The following USP45 variants were observed in gnomAD, a reference collection of about 807,000 sequenced individuals.
USP45 encodes ubiquitin specific peptidase 45.
In USP45, 89 loss-of-function variants were observed where a neutral mutation model predicts 95.8. The ratio of observed to expected loss-of-function variants is 0.93; its 90% CI spans 0.78 to 1.11. USP45 has a LOEUF of 1.11. Among genes scored for constraint, USP45 ranks in the 50% least tolerant of loss-of-function variants. The pLI is 0.00. For missense variants in USP45, 898 were observed against 942.5 expected (o/e 0.95, Z 0.62); for synonymous variants, 281 against 316.2 (o/e 0.89, Z 1.18).
At position 99,446,041 on chromosome 6, in the gene USP45, TTC is replaced by T; in HGVS notation, c.1729_1730del (p.Glu577LysfsTer9). 1 of 1,614,086 alleles carries T rather than the reference TTC, an allele frequency of 6.2e-7. No homozygotes were observed. The highest frequency in any genetic ancestry group is 1.1e-5 in the South Asian group (1 of 91,078). On this transcript the variant is annotated frameshift_variant, in exon 14 of 18. Coordinates refer to ENST00000500704, the MANE Select transcript of USP45 (RefSeq NM_001346022.3). LOFTEE classifies it high-confidence loss of function. Reference sequence around the variant, plus strand: ...TATTTGAAATATTTAGTGGCTGATTTTCTCTGTCAAAATCTTGATCTCCAGTT... The same window carrying T: ...TATTTGAAATATTTAGTGGCTGATTTTCTGTCAAAATCTTGATCTCCAGTT... ...TVTGDQDFDR[E>X]NQPLNISNNL...
intron 13 of USP45, among the ~76,000 whole-genome samples, chr6:99,452,693 T>C (rs903828151): frequency 6.6e-6 from 1 of 152,148 alleles, no homozygotes; most frequent in Non-Finnish European, 1.5e-5. Context: ...ACCCAAAAGA[T>C]TATAAATCAT....
At position 99,435,088 on chromosome 6, in the gene USP45, G is replaced by A. The variant is rs12525613; in HGVS notation, c.*628C>T. ...ACCAGGGAACTACACCGTATTAGGT[G>A]TTACTTCATGAAATTATGTGTTATA... On this transcript the variant is annotated 3_prime_UTR_variant, in exon 18 of 18. Coordinates refer to ENST00000500704, the MANE Select transcript of USP45 (RefSeq NM_001346022.3). 0.29 allele frequency: 44,064 copies of A among 152,422 alleles called. 6,939 individuals carry two copies. The highest frequency in any genetic ancestry group is 0.4 in the Middle Eastern group (116 of 292). The allele number at this position is 152,422 out of a possible 1,614,324, so 9.4% of individuals were successfully genotyped here.
chr6:99,515,011 A>G (rs1463406178), intron 1 of USP45: 1 of 152,370 alleles, frequency 6.6e-6, no homozygotes, highest in Admixed American at 6.5e-5. Flanking sequence ...ACGCTTCCAG[A>G]AAAGTCATTA....
At position 99,488,791 on chromosome 6, in the gene USP45, C is replaced by T; in HGVS notation, c.508G>A (p.Glu170Lys). The change falls in exon 6 of 18, where the codon GAA (glutamate) becomes AAA (lysine). Residue 170 changes from glutamate (E) to lysine (K), a missense_variant. Transcript: ENST00000500704. ...ATTTCATCTGTTTCACATTTTTCTT[C>T]ACAAAGTTTCATGATTCTAGAAAAT... ...SAFSRIMKLC[E>K]EKCETDEIQK... The T allele has an allele frequency of 6.3e-7, 1 of 1,595,914 alleles. No individual in the cohort carries two copies. The highest frequency in any genetic ancestry group is 2.3e-5 in the East Asian group (1 of 43,798).
chr6:99,474,566 C>T (rs78327728), intron 9 of USP45, among the ~76,000 whole-genome samples: 1 of 152,190 alleles, frequency 6.6e-6, no homozygotes, highest in Admixed American at 6.5e-5. Flanking sequence ...ATGCACTTCA[C>T]TGAACACTTG....
intron 2 of USP45, among the ~76,000 whole-genome samples, chr6:99,509,455 G>A (rs1799282443): frequency 6.6e-6 from 1 of 151,918 alleles, no homozygotes; most frequent in Non-Finnish European, 1.5e-5. Flanking sequence ...TACCTAAAAT[G>A]GAAAAAATAT....
chr6:99,468,290 C>A, intron 10 of USP45: 1 of 522,288 alleles, frequency 1.9e-6, no homozygotes. Flanking sequence ...CTTAGAAGAC[C>A]TCACATAAAG....
chr6:99,454,153 T>A (rs973823563), intron 13 of USP45, among the ~76,000 whole-genome samples: 4 of 151,724 alleles, frequency 2.6e-5, no homozygotes, highest in Non-Finnish European at 5.9e-5. Flanking sequence ...AATAAAGAAA[T>A]CCACATACTT....
chr6:99,515,232 G>A (rs1472376754), intron 1 of USP45, 160 bp downstream of exon 1: 1 of 152,324 alleles, frequency 6.6e-6, no homozygotes, highest in African/African-American at 2.4e-5. Context: ...GGCCCTCGGT[G>A]ACCGCCCGGC....
chr6:99,445,464 CAG>C (rs965101544), intron 14 of USP45, among the ~76,000 whole-genome samples: 75 of 146,612 alleles, frequency 5.1e-4, no homozygotes, highest in African/African-American at 1.8e-3. Context: ...GCCTGGGCAA[CAG>C]AGTGAGACTC....
In USP45 at chr6:99,476,229, C is replaced by T; in HGVS notation, c.847G>A (p.Ala283Thr). Reference sequence around the variant, plus strand: ...TGCTGGAAATCTTTAAATCGAGGTGCCCTGTGATTTAAAAACAAAAGAGGA... The same window carrying T: ...TGCTGGAAATCTTTAAATCGAGGTGTCCTGTGATTTAAAAACAAAAGAGGA... ...KVLFNQLCQK[A>T]PRFKDFQQQD... The change falls in exon 9 of 18, where the codon GCA becomes ACA. Residue 283 changes from alanine to threonine, a missense_variant and splice_region_variant. By Grantham distance (58) the Ala-to-Thr change is moderately conservative. Transcript: ENST00000500704. 6.2e-7 allele frequency: 1 copy of T among 1,613,566 alleles called. No homozygotes were observed. Among genetic ancestry groups the T allele is most frequent in the Non-Finnish European group, 8.5e-7 (1 of 1,179,696 alleles).
intron 8 of USP45, among the ~76,000 whole-genome samples, chr6:99,476,567 G>A (rs1790922177): frequency 6.6e-6 from 1 of 152,188 alleles, no homozygotes; most frequent in Non-Finnish European, 1.5e-5. Context: ...CTGAGAATAT[G>A]GCTATCATTT....
At chr6:99,446,512 A>G in intron 13 of USP45, 49 bp from the exon 14 acceptor site, 6 of 1,475,926 alleles carry the variant, frequency 4.1e-6, no homozygotes, top group Non-Finnish European at 5.5e-6. Flanking sequence ...AACCTCATTG[A>G]AAATAAATGC....
chr6:99,465,067 T>G lies in USP45; in HGVS notation c.1164+13A>C, dbSNP rs923877933. On this transcript the variant is annotated intron_variant, in intron 12 of 17. Transcript: ENST00000500704. ...CTTCACCAAAGCTTCATCATTAGTT[T>G]TCTTCTCCTTACCCTTTCTTCTATT... is the stretch of plus-strand genomic sequence containing the variant. 14 of 1,577,034 alleles carry G rather than the reference T, an allele frequency of 8.9e-6. No homozygotes were observed. Among genetic ancestry groups the G allele is most frequent in the Admixed American group, 1.8e-5 (1 of 56,030 alleles).
At chr6:99,443,446 T>A in intron 15 of USP45, 119 bp downstream of exon 15, 1 of 579,984 alleles carries the variant, frequency 1.7e-6, no homozygotes, top group Non-Finnish European at 2.9e-6. Flanking sequence ...AAATCTCACA[T>A]GACACATTTT....
At chr6:99,484,027 A>G (rs1305384059) in intron 7 of USP45, among the ~76,000 whole-genome samples, 2 of 8,624 alleles carry the variant, frequency 2.3e-4, no homozygotes, top group Non-Finnish European at 3.7e-4. Flanking sequence ...TTTTTTTTTA[A>G]AGAGACAGGG....
chr6:99,432,915 A>G lies in USP45; in HGVS notation c.*2801T>C, dbSNP rs749986805. ...ACACATGGAAGCTAAGAACTATTAA[A>G]TACAGTAAAATAGCTCTGTTGGTAC... On this transcript the variant is annotated 3_prime_UTR_variant, in exon 18 of 18. Transcript: ENST00000500704. The G allele has an allele frequency of 6.6e-6, 1 of 152,656 alleles. No individual in the cohort carries two copies. Among genetic ancestry groups the G allele is most frequent in the Non-Finnish European group, 1.5e-5 (1 of 68,042 alleles). 9.5% of individuals were successfully genotyped at this position (152,656 alleles called of 1,614,324 possible).
chr6:99,469,471 A>ATAAT (rs1329192928), intron 9 of USP45, among the ~76,000 whole-genome samples: 2 of 75,918 alleles, frequency 2.6e-5, no homozygotes, highest in African/African-American at 8.6e-5. Context: ...ATATATATAT[A>ATAAT]ATATATATAT....
At chr6:99,460,836 A>T in intron 13 of USP45, 1 of 982,300 alleles carries the variant, frequency 1.0e-6, no homozygotes. Flanking sequence ...ATAACTAAAA[A>T]GAAAACAGAG....
Sources: gnomAD v4.1 joint callset for allele counts (sites outside exome capture counted in the v4.1 genomes callset) on GRCh38, gnomAD v4.1.1 for gene constraint, MANE v1.5 for transcripts, NCBI Gene and HGNC (gene_info 2026-07-23, HGNC 2026-07-21) for gene names.